MMP17: variants seen among roughly 807,000 people sequenced by gnomAD.
The protein encoded by MMP17 is matrix metalloproteinase-17.
A neutral mutation model predicts 49.1 loss-of-function variants in MMP17; 54 were observed. The ratio of observed to expected loss-of-function variants is 1.10; its 90% CI spans 0.88 to 1.38. MMP17 has a LOEUF of 1.38. Among genes scored for constraint, MMP17 ranks in the 40% most tolerant of loss-of-function variants. The pLI is 0.00. For missense variants in MMP17, 837 were observed against 853.7 expected (o/e 0.98, Z 0.24); for synonymous variants, 397 against 383.1 (o/e 1.04, Z -0.42).
At chr12:131,842,410 G>A (rs573269184) in intron 5 of MMP17, among the ~76,000 whole-genome samples, 3 of 152,294 alleles carry the variant, frequency 2.0e-5, no homozygotes, top group Admixed American at 6.5e-5. Context: ...CCTCAGCATC[G>A]TCCTTGCCGC....
At chr12:131,831,266 TCTC>T (rs1328012560) in intron 1 of MMP17, among the ~76,000 whole-genome samples, 2 of 151,980 alleles carry the variant, frequency 1.3e-5, no homozygotes, top group Non-Finnish European at 2.9e-5. Context: ...CTGCTCCATT[TCTC>T]CTCTCGGCAG....
intron 5 of MMP17, among the ~76,000 whole-genome samples, chr12:131,842,364 G>A (rs1015509800): frequency 2.0e-5 from 3 of 152,166 alleles, no homozygotes; most frequent in Non-Finnish European, 4.4e-5. Flanking sequence ...ACCACACCCT[G>A]CAGTAGTGCT....
intron 1 of MMP17, among the ~76,000 whole-genome samples, chr12:131,835,325 G>A (rs1012424706): frequency 2.0e-5 from 3 of 152,210 alleles, no homozygotes; most frequent in Non-Finnish European, 4.4e-5. Context: ...GGCTGGTGCT[G>A]GGGCCCTGGT....
At position 131,836,840 on chromosome 12, in the gene MMP17, G is replaced by A. The variant is rs755953651; in HGVS notation, c.160-1355G>A. Among the ~76,000 whole-genome samples the A allele has an allele frequency of 4.6e-4, 70 of 152,146 alleles. 1 individual carries two copies. The highest frequency in any genetic ancestry group is 5.6e-4 in the Non-Finnish European group (38 of 68,040). On this transcript the variant is annotated intron_variant, in intron 1 of 9. Coordinates refer to ENST00000360564, the MANE Select transcript of MMP17 (RefSeq NM_016155.7). ...TGGCAGCCTGCAAGTGGGCACAGGC[G>A]CCATTTGGCGGTTGAAGAAACTGAA...
Position 131,851,137 on chromosome 12 carries a change from G to A in MMP17, c.1675G>A (p.Glu559Lys), listed in dbSNP as rs758660100. The change falls in exon 10 of 10, where the codon GAG becomes AAG. Residue 559 changes from glutamate (E) to lysine (K), a missense_variant. Physicochemically the swap from Glu to Lys is moderately conservative, Grantham distance 56. Coordinates refer to ENST00000360564, the MANE Select transcript of MMP17 (RefSeq NM_016155.7). The stretch of plus-strand genomic sequence containing the variant: ...CCAGAGCCGCTCGGAGGACGGTTAC[G>A]AGGTCTGCTCATGCACCTCTGGGGC... ...HDQSRSEDGY[E>K]VCSCTSGASS... 4.0e-5 allele frequency: 63 copies of A among 1,575,876 alleles called. 1 individual carries two copies. In the South Asian group the frequency reaches 5.6e-4, roughly 14 times the overall value.
Position 131,828,565 on chromosome 12 carries a change from C to CCGCTGCA in MMP17, c.71_72insCGCTGCA (p.Leu25AlafsTer44). ...CCCGGACTCTCGCGGCTGCCGCTGC[C>CCGCTGCA]GCTGCTGCTGCTGCTGGCGCTGGGG... On this transcript the variant is annotated frameshift_variant, in exon 1 of 10. Transcript: ENST00000360564. 6.6e-5 allele frequency: 12 copies of CCGCTGCA among 180,898 alleles called. No individual in the cohort carries two copies. The highest frequency in any genetic ancestry group is 9.0e-5 in the Non-Finnish European group (12 of 132,674). The allele number at this position is 180,898 out of a possible 1,614,324, so 11.2% of individuals were successfully genotyped here.
chr12:131,843,941 G>GT, intron 5 of MMP17, 56 bp from the exon 6 acceptor site: 1 of 1,307,850 alleles, frequency 7.6e-7, no homozygotes, highest in Non-Finnish European at 1.1e-6. Flanking sequence ...CTGGTGGGAT[G>GT]TGGGGGGAGG....
chr12:131,847,608 G>A (rs1357541810), intron 8 of MMP17, among the ~76,000 whole-genome samples: 1 of 152,244 alleles, frequency 6.6e-6, no homozygotes, highest in Non-Finnish European at 1.5e-5. Flanking sequence ...CATTAGAAGT[G>A]TTCAGGCCGC....
chr12:131,838,621 C>G lies in MMP17; in HGVS notation c.302C>G (p.Thr101Ser). Residue 101 changes from threonine to serine, a missense_variant, in exon 3 of 10, where the codon ACC becomes AGC. Coordinates refer to ENST00000360564, the MANE Select transcript of MMP17 (RefSeq NM_016155.7). The part of the protein sequence containing the change: ...LEATGILDEA[T>S]LALMKTPRCS... Reference sequence around the variant, plus strand: ...CATGCTTTCCCTGCAGACGAGGCCACCCTGGCCCTGATGAAAACCCCACGC... The same window carrying G: ...CATGCTTTCCCTGCAGACGAGGCCAGCCTGGCCCTGATGAAAACCCCACGC... The G allele has an allele frequency of 6.2e-7, 1 of 1,610,826 alleles. No individual in the cohort carries two copies. Among genetic ancestry groups the G allele is most frequent in the Non-Finnish European group, 8.5e-7 (1 of 1,179,462 alleles).
chr12:131,829,873 C>A (rs1262701919), intron 1 of MMP17, among the ~76,000 whole-genome samples: 1 of 152,252 alleles, frequency 6.6e-6, no homozygotes, highest in African/African-American at 2.4e-5. Flanking sequence ...GCCACTGTCC[C>A]TGCTGCCCGC....
intron 5 of MMP17, among the ~76,000 whole-genome samples, 172 bp downstream of exon 5, chr12:131,841,972 T>C (rs1196836297): frequency 6.6e-6 from 1 of 152,016 alleles, no homozygotes; most frequent in Non-Finnish European, 1.5e-5. Flanking sequence ...ACCCCTGACG[T>C]CCCCAGAGCC....
intron 2 of MMP17, 135 bp downstream of exon 2, chr12:131,838,462 G>T: frequency 6.9e-7 from 1 of 1,450,326 alleles, no homozygotes. Flanking sequence ...GTAGCTCAGA[G>T]CCTGGGGCTG....
chr12:131,848,376 A>G (rs1887808169), intron 8 of MMP17, among the ~76,000 whole-genome samples: 1 of 151,554 alleles, frequency 6.6e-6, no homozygotes, highest in Admixed American at 6.6e-5. Flanking sequence ...ATGAGCCACC[A>G]CTCCCGGTCT....
chr12:131,844,960 C>T, intron 6 of MMP17, 158 bp from the exon 7 acceptor site: 1 of 669,736 alleles, frequency 1.5e-6, no homozygotes, highest in Non-Finnish European at 2.6e-6. Flanking sequence ...ACAGGCACCC[C>T]CGTTTTAATT....
chr12:131,845,594 C>T (rs1027383164), intron 8 of MMP17, 145 bp downstream of exon 8: 1 of 1,110,012 alleles, frequency 9.0e-7, no homozygotes, highest in Non-Finnish European at 1.2e-6. Flanking sequence ...CTTGTGCACT[C>T]AGCAGATGCA....
At position 131,851,087 on chromosome 12, in the gene MMP17, C is replaced by A; in HGVS notation, c.1625C>A (p.Pro542His). The A allele has an allele frequency of 6.2e-7, 1 of 1,603,622 alleles. No homozygotes were observed. The highest frequency in any genetic ancestry group is 8.5e-7 in the Non-Finnish European group (1 of 1,175,746). The change falls in exon 10 of 10, where the codon CCC becomes CAC. Residue 542 changes from proline to histidine, a missense_variant. Transcript: ENST00000360564. The part of the protein sequence containing the change: ...VAAGVDAAEG[P>H]RAPPGQHDQS... ...GCGGGCGTGGACGCGGCAGAGGGGC[C>A]CCGCGCCCCTCCAGGACAACATGAC...
rs934108883 is a variant in MMP17 at position 131,846,265 on chromosome 12, C to T, written c.1204+816C>T. Among the ~76,000 whole-genome samples the T allele has an allele frequency of 5.9e-5, 9 of 152,208 alleles. No homozygotes were observed. The highest frequency in any genetic ancestry group is 2.2e-4 in the African/African-American group (9 of 41,458). On this transcript the variant is annotated intron_variant, in intron 8 of 9. Transcript: ENST00000360564. The surrounding 1 kb of genome is among the most constrained non-coding windows in gnomAD (Gnocchi z 4.6). ...CAGTGTCACCCTCAGCCACATCCCT[C>T]CTGCCACCGCCTCTGTCTCCACCCG... is the stretch of plus-strand genomic sequence containing the variant.
rs117508750 is a variant in MMP17 at position 131,849,983 on chromosome 12, C to T, written c.1386C>T (p.Asp462=). 6.2e-7 allele frequency: 1 copy of T among 1,613,790 alleles called. No individual in the cohort carries two copies. The highest frequency in any genetic ancestry group is 2.2e-5 in the East Asian group (1 of 44,884). ...WRYDDHTRHM[D]PGYPAQSPLW... is the part of the protein sequence containing the mutation. ...ACGATGACCACACGAGGCACATGGA[C>T]CCCGGCTACCCCGCCCAGAGCCCCC... The change falls in exon 9 of 10, where the codon GAC becomes GAT. Residue 462 remains aspartate (D), a synonymous_variant. Coordinates refer to ENST00000360564, the MANE Select transcript of MMP17 (RefSeq NM_016155.7).
chr12:131,845,432 A>G lies in MMP17; in HGVS notation c.1187A>G (p.Lys396Arg), dbSNP rs753869953. 1 of 1,572,948 alleles carries G rather than the reference A, an allele frequency of 6.4e-7. No individual in the cohort carries two copies. Among genetic ancestry groups the G allele is most frequent in the East Asian group, 2.3e-5 (1 of 44,284 alleles). ...DAVYERTSDH[K>R]IVFFKGDRYW... is the part of the protein sequence containing the mutation. ...GTGTACGAGCGCACCAGCGACCACAAGATCGTCTTCTTTAAAGGTGGGTGG... is the reference window on the plus strand; with the variant it reads ...GTGTACGAGCGCACCAGCGACCACAGGATCGTCTTCTTTAAAGGTGGGTGG... The change falls in exon 8 of 10, where the codon AAG becomes AGG. Residue 396 changes from lysine (K) to arginine (R), a missense_variant. Transcript: ENST00000360564.
Sources: gnomAD v4.1 joint callset for allele counts (sites outside exome capture counted in the v4.1 genomes callset) on GRCh38, gnomAD v4.1.1 for gene constraint, Gnocchi (gnomAD v3.1) non-coding constraint, MANE v1.5 for transcripts, NCBI Gene and HGNC (gene_info 2026-07-23, HGNC 2026-07-21) for gene names.